DENND1A: variants seen among roughly 807,000 people sequenced by gnomAD.
DENND1A encodes DENN domain containing 1A.
DENND1A carries 51 observed loss-of-function variants against 113.7 expected under a neutral mutation model. The observed-to-expected ratio is 0.45, with a 90% CI of 0.36 to 0.57. The LOEUF is 0.57. Ranked by LOEUF, DENND1A falls within the 20% of genes least tolerant of loss-of-function variation. The pLI is 0.00. For synonymous variants in DENND1A, 565 were observed against 570.8 expected, an observed-to-expected ratio of 0.99 and a Z score of 0.14; for missense variants, 1,258 against 1,395.9, an observed-to-expected ratio of 0.90 and a Z score of 1.57.
At chr9:123,799,133 C>T (rs1834222698) in intron 2 of DENND1A, among the ~76,000 whole-genome samples, 1 of 152,030 alleles carries the variant, frequency 6.6e-6, no homozygotes, top group Admixed American at 6.6e-5. Context: ...TCATATGTGT[C>T]AAATTTGGTG....
chr9:123,568,884 A>T (rs2058202786), intron 12 of DENND1A, among the ~76,000 whole-genome samples: 1 of 152,228 alleles, frequency 6.6e-6, no homozygotes, highest in Non-Finnish European at 1.5e-5. Context: ...GAACAACTTG[A>T]TCCACTTACA....
intron 12 of DENND1A, among the ~76,000 whole-genome samples, chr9:123,569,294 T>C (rs953835654): frequency 6.6e-6 from 1 of 152,134 alleles, no homozygotes; most frequent in Admixed American, 6.5e-5. Flanking sequence ...AAAGATAAAA[T>C]GTAGCTTTTA....
chr9:123,382,984 C>A (rs1183706343), intron 23 of DENND1A, among the ~76,000 whole-genome samples: 1 of 152,220 alleles, frequency 6.6e-6, no homozygotes, highest in Non-Finnish European at 1.5e-5. Flanking sequence ...AGACTCAGGG[C>A]CTGGTAGGAG....
intron 13 of DENND1A, among the ~76,000 whole-genome samples, chr9:123,536,777 A>G (rs1030462603): frequency 1.3e-5 from 2 of 152,176 alleles, no homozygotes; most frequent in Non-Finnish European, 2.9e-5. Context: ...GAGGACAGGA[A>G]ATGGAGGTCT....
chr9:123,552,027 G>GAGAGAGAC (rs2057100323), intron 13 of DENND1A, among the ~76,000 whole-genome samples: 1 of 143,140 alleles, frequency 7.0e-6, no homozygotes, highest in East Asian at 2.0e-4. Flanking sequence ...GCGAGAGAGA[G>GAGAGAGAC]AGAGAGAGAG....
At chr9:123,413,071 G>A (rs1430079469) in intron 19 of DENND1A, among the ~76,000 whole-genome samples, 2 of 152,146 alleles carry the variant, frequency 1.3e-5, no homozygotes, top group Admixed American at 1.3e-4. Flanking sequence ...GTAATCCCAC[G>A]TACTCGGGAG....
intron 3 of DENND1A, among the ~76,000 whole-genome samples, chr9:123,777,780 C>T (rs947395459): frequency 6.6e-6 from 1 of 152,138 alleles, no homozygotes; most frequent in Non-Finnish European, 1.5e-5. Context: ...ATGTTAGCCA[C>T]CGTCAACAAA....
chr9:123,517,447 C>T (rs902059052), intron 13 of DENND1A, among the ~76,000 whole-genome samples: 15 of 152,042 alleles, frequency 9.9e-5, no homozygotes, highest in Middle Eastern at 3.4e-3. Context: ...TGGTGAAATC[C>T]TGTCTCTGCT....
At chr9:123,495,170 T>TCTC (rs371539514) in intron 13 of DENND1A, among the ~76,000 whole-genome samples, 21 of 149,544 alleles carry the variant, frequency 1.4e-4, no homozygotes, top group African/African-American at 3.2e-4. Context: ...TCTCTCTCTC[T>TCTC]TATAATGTCT....
rs562439128 is a variant in DENND1A at position 123,615,924 on chromosome 9, C to CCAT, written c.720-6446_720-6444dup. Among the ~76,000 whole-genome samples the CCAT allele has an allele frequency of 1.8e-3, 280 of 152,276 alleles. 2 individuals carry two copies. Among genetic ancestry groups the CCAT allele is most frequent in the African/African-American group, 6.3e-3 (263 of 41,560 alleles). On this transcript the variant is annotated intron_variant, in intron 10 of 23. Coordinates refer to ENST00000394215, the MANE Select transcript of DENND1A (RefSeq NM_001352964.2). Reference sequence around the variant, plus strand: ...TAATCCTCAAATAATCCAATTTACACCATCCATTTTATAGCTTTTTTTTGA... The same window carrying CCAT: ...TAATCCTCAAATAATCCAATTTACACCATCATCCATTTTATAGCTTTTTTTTGA...
At chr9:123,733,492 G>A (rs2068333174) in intron 5 of DENND1A, among the ~76,000 whole-genome samples, 1 of 152,000 alleles carries the variant, frequency 6.6e-6, no homozygotes, top group African/African-American at 2.4e-5. Flanking sequence ...TCACTATGTT[G>A]GCCAGGCTGG....
intron 13 of DENND1A, among the ~76,000 whole-genome samples, chr9:123,531,540 C>G (rs904359994): frequency 8.6e-6 from 1 of 116,442 alleles, no homozygotes; most frequent in Non-Finnish European, 1.7e-5. Flanking sequence ...TCCTTCTCTT[C>G]CCCCCTCTCT....
chr9:123,602,949 A>G (rs923637701), intron 11 of DENND1A, among the ~76,000 whole-genome samples: 5 of 152,260 alleles, frequency 3.3e-5, no homozygotes, highest in African/African-American at 7.2e-5. Flanking sequence ...TAAATGTCAC[A>G]TGGAACATCT....
intron 2 of DENND1A, among the ~76,000 whole-genome samples, chr9:123,840,642 C>A (rs983721945): frequency 3.3e-5 from 5 of 152,072 alleles, no homozygotes; most frequent in African/African-American, 9.7e-5. Flanking sequence ...AGCACAGTGC[C>A]GGTACAAAAA....
intron 5 of DENND1A, among the ~76,000 whole-genome samples, chr9:123,689,042 C>T (rs547107887): frequency 7.9e-5 from 12 of 151,968 alleles, no homozygotes; most frequent in South Asian, 2.1e-4. Context: ...TTGTTTTTTC[C>T]GAGACAGAGT....
chr9:123,620,848 C>A (rs920435231), intron 10 of DENND1A, among the ~76,000 whole-genome samples: 3 of 151,686 alleles, frequency 2.0e-5, no homozygotes, highest in African/African-American at 2.4e-5. Flanking sequence ...TGCTTCTTAG[C>A]TTAAAAAAAA....
At chr9:123,540,422 T>C (rs1246516145) in intron 13 of DENND1A, among the ~76,000 whole-genome samples, 1 of 152,218 alleles carries the variant, frequency 6.6e-6, no homozygotes, top group Non-Finnish European at 1.5e-5. Flanking sequence ...TGCCTGCCAC[T>C]GGGCCTGGTA....
chr9:123,696,966 G>A (rs954688197), intron 5 of DENND1A, among the ~76,000 whole-genome samples: 11 of 152,104 alleles, frequency 7.2e-5, no homozygotes, highest in Non-Finnish European at 1.3e-4. Context: ...AAGGTGCTAC[G>A]TATCAGCCAC....
intron 2 of DENND1A, among the ~76,000 whole-genome samples, chr9:123,851,075 GTA>G (rs761060373): frequency 1.2e-4 from 18 of 152,272 alleles, no homozygotes; most frequent in Admixed American, 5.9e-4. Flanking sequence ...GCATGGAAGT[GTA>G]TAATTTGATG....
Sources: allele counts gnomAD v4.1 joint callset (sites outside exome capture counted in the v4.1 genomes callset), GRCh38; gene constraint gnomAD v4.1.1; transcripts MANE v1.5; gene names NCBI Gene and HGNC (gene_info 2026-07-23, HGNC 2026-07-21).